CHID1: variants seen among roughly 807,000 people sequenced by gnomAD.
CHID1 encodes chitinase domain containing 1.
Under a neutral mutation model 55.4 loss-of-function variants are expected in CHID1, and 44 were observed. That is an observed-to-expected ratio of 0.79 (90% CI 0.62 to 1.02). The LOEUF (loss-of-function observed/expected upper bound fraction) is 1.02, where lower values mean the gene tolerates loss of function less well. CHID1 is among the 50% of genes least tolerant of loss of function. The probability of loss-of-function intolerance (pLI) is 0.00; values close to 1 mark genes in which losing one functional copy is unlikely to be tolerated. For synonymous variants in CHID1, 216 were observed against 212.9 expected, an observed-to-expected ratio of 1.01 and a Z score of -0.13; for missense variants, 491 against 515.3, an observed-to-expected ratio of 0.95 and a Z score of 0.46.
At chr11:896,099 CACAACGAGCCT>C (rs1263681505) in intron 7 of CHID1, among the ~76,000 whole-genome samples, 5 of 146,380 alleles carry the variant, frequency 3.4e-5, no homozygotes, top group African/African-American at 1.4e-4. Flanking sequence ...CCACCCCAGA[CACAACGAGCCT>C]GTCTCAGTGC....
rs758350633 is a variant in CHID1 at position 900,918 on chromosome 11, C to T, written c.439+18G>A. 2 of 1,595,642 alleles carry T rather than the reference C, an allele frequency of 1.3e-6. No individual in the cohort carries two copies. Among genetic ancestry groups the T allele is most frequent in the Non-Finnish European group, 1.7e-6 (2 of 1,172,468 alleles). On this transcript the variant is annotated intron_variant, in intron 5 of 12. Transcript: ENST00000323578. Reference sequence around the variant, plus strand: ...GTTTGAGCCATCAGGGCCTCCACTCCTGGCCTGCCGCACTTACCTATGTGC... The same window carrying T: ...GTTTGAGCCATCAGGGCCTCCACTCTTGGCCTGCCGCACTTACCTATGTGC...
At chr11:880,500 C>T (rs1001621786) in intron 10 of CHID1, among the ~76,000 whole-genome samples, 26 of 152,328 alleles carry the variant, frequency 1.7e-4, no homozygotes, top group African/African-American at 5.8e-4. Context: ...CCACCACACA[C>T]GACCCTGGTC....
Position 870,502 on chromosome 11 carries a change from G to A in CHID1, c.960-3C>T, listed in dbSNP as rs1430461360. 1 of 1,603,848 alleles carries A rather than the reference G, an allele frequency of 6.2e-7. No homozygotes were observed. Among genetic ancestry groups the A allele is most frequent in the South Asian group, 1.1e-5 (1 of 89,654 alleles). On this transcript the variant is annotated splice_polypyrimidine_tract_variant and splice_region_variant and intron_variant, in intron 10 of 12. Coordinates refer to ENST00000323578, the MANE Select transcript of CHID1 (RefSeq NM_023947.4). ...GGTCCTTCAGTGTCTGGATGTACCT[G>A]GGGAGACCAGGATATGGATTTGGGA...
chr11:906,508 G>A (rs909639818), intron 1 of CHID1, among the ~76,000 whole-genome samples: 8 of 152,068 alleles, frequency 5.3e-5, no homozygotes, highest in African/African-American at 1.9e-4. Flanking sequence ...GAGCCACCGC[G>A]CCCAGCCATG....
chr11:904,946 T>C, intron 1 of CHID1, 87 bp from the exon 2 acceptor site: 1 of 1,422,660 alleles, frequency 7.0e-7, no homozygotes, highest in Non-Finnish European at 9.6e-7. Flanking sequence ...CACTTTCTCC[T>C]AATAGGGCCT....
At chr11:886,010 G>A (rs986028617) in intron 8 of CHID1, among the ~76,000 whole-genome samples, 3 of 152,032 alleles carry the variant, frequency 2.0e-5, no homozygotes, top group Non-Finnish European at 2.9e-5. Flanking sequence ...TTAGCCGGGC[G>A]TGGTGGTGGG....
chr11:886,411 A>T (rs1850402569), intron 8 of CHID1, among the ~76,000 whole-genome samples: 2 of 152,014 alleles, frequency 1.3e-5, no homozygotes, highest in Non-Finnish European at 2.9e-5. Flanking sequence ...GTGAGCCCTG[A>T]TCATGCCACT....
intron 10 of CHID1, among the ~76,000 whole-genome samples, chr11:871,945 T>A (rs936127349): frequency 6.6e-6 from 1 of 152,172 alleles, no homozygotes; most frequent in Non-Finnish European, 1.5e-5. Flanking sequence ...GGGAGCCTCT[T>A]CCAGACTAGG....
intron 10 of CHID1, among the ~76,000 whole-genome samples, chr11:882,764 G>A (rs140930599): frequency 1.3e-5 from 2 of 152,318 alleles, no homozygotes; most frequent in African/African-American, 4.8e-5. Flanking sequence ...AACCACACTC[G>A]CAGAGCATAC....
intron 1 of CHID1, among the ~76,000 whole-genome samples, chr11:906,389 C>A (rs1031623232): frequency 1.3e-5 from 2 of 152,094 alleles, no homozygotes; most frequent in African/African-American, 4.8e-5. Context: ...TAGGCGCGTG[C>A]CACCACATCC....
intron 1 of CHID1, among the ~76,000 whole-genome samples, chr11:907,892 G>C (rs1704254228): frequency 6.6e-6 from 1 of 152,190 alleles, no homozygotes; most frequent in African/African-American, 2.4e-5. Flanking sequence ...CTACCCAAAA[G>C]ACTCCCTGGC....
intron 4 of CHID1, 135 bp from the exon 5 acceptor site, chr11:901,115 C>A: frequency 2.9e-6 from 2 of 682,060 alleles, no homozygotes; most frequent in South Asian, 4.1e-5. Context: ...GGTGTGAGAA[C>A]CCACCCCTCC....
chr11:892,492 A>C (rs1289046258), intron 8 of CHID1, among the ~76,000 whole-genome samples: 4 of 152,242 alleles, frequency 2.6e-5, no homozygotes, highest in African/African-American at 9.6e-5. Context: ...CTCAGCTCTC[A>C]GCACCTCTTC....
upstream of CHID1, chr11:911,326 G>A (rs909752072): frequency 6.6e-6 from 1 of 152,234 alleles, no homozygotes; most frequent in East Asian, 1.9e-4. Flanking sequence ...CCCGAAACGC[G>A]CGCTCTCTCG....
In CHID1 at chr11:888,964, C is replaced by T. The variant is rs555663839; in HGVS notation, c.701+4463G>A. 1.3e-4 allele frequency among the ~76,000 whole-genome samples: 20 copies of T among 152,346 alleles called. 1 individual carries two copies. In the South Asian group the frequency reaches 2.1e-3, roughly 16 times the overall value. On this transcript the variant is annotated intron_variant, in intron 8 of 12. Transcript: ENST00000323578. ...GCCCCTCCCCCTCCAGACGGCTGGACGCGCTCTGCTCTTCCCGGGCTGCCC... is the reference window on the plus strand; with the variant it reads ...GCCCCTCCCCCTCCAGACGGCTGGATGCGCTCTGCTCTTCCCGGGCTGCCC...
chr11:901,068 C>T, intron 4 of CHID1, 88 bp from the exon 5 acceptor site: 1 of 1,254,574 alleles, frequency 8.0e-7, no homozygotes, highest in East Asian at 2.6e-5. Flanking sequence ...GTGGCAGCCG[C>T]ACAATACGCA....
chr11:879,471 C>T (rs7480670), intron 10 of CHID1, among the ~76,000 whole-genome samples: 4 of 33,454 alleles, frequency 1.2e-4, no homozygotes, highest in South Asian at 6.8e-3. Flanking sequence ...AGGACACAGG[C>T]GCACATGGGA....
chr11:894,519 G>A (rs925074180), intron 7 of CHID1, among the ~76,000 whole-genome samples: 1 of 152,228 alleles, frequency 6.6e-6, no homozygotes. Context: ...GCAAAGCTGG[G>A]TTTCAGGGTG....
At chr11:907,420 G>A (rs975618745) in intron 1 of CHID1, among the ~76,000 whole-genome samples, 3 of 151,940 alleles carry the variant, frequency 2.0e-5, no homozygotes, top group Non-Finnish European at 4.4e-5. Flanking sequence ...GGTGGAGTTC[G>A]CAGTGAGCCG....
Sources: gnomAD v4.1 joint callset for allele counts (sites outside exome capture counted in the v4.1 genomes callset) on GRCh38, gnomAD v4.1.1 for gene constraint, MANE v1.5 for transcripts, NCBI Gene and HGNC (gene_info 2026-07-23, HGNC 2026-07-21) for gene names.